Variants in NRG1 observed in about 807,000 individuals in gnomAD.
The protein encoded by NRG1 is pro-neuregulin-1, membrane-bound isoform.
Under a neutral mutation model 63.8 loss-of-function variants are expected in NRG1, and 18 were observed. The observed-to-expected ratio is 0.28, with a 90% confidence interval of 0.19 to 0.42. NRG1 has a LOEUF of 0.42. Among genes scored for constraint, NRG1 ranks in the 10% least tolerant of loss-of-function variants. NRG1 has a pLI of 1.00. For missense variants in NRG1, 762 were observed against 814.7 expected, an observed-to-expected ratio of 0.94 and a Z score of 0.79; for synonymous variants, 302 against 301.3, an observed-to-expected ratio of 1.00 and a Z score of -0.02.
At chr8:32,280,680 GTTTTTTTTTTGTT>G (rs1318632444) in intron 1 of NRG1, among the ~76,000 whole-genome samples, 5 of 53,756 alleles carry the variant, frequency 9.3e-5, no homozygotes, top group Admixed American at 2.5e-4. Flanking sequence ...ACTGAATTAG[GTTTTTTTTTTGTT>G]TTTTTTTTTT....
chr8:31,879,455 G>A (rs892249555), intron 1 of NRG1, among the ~76,000 whole-genome samples: 9 of 152,166 alleles, frequency 5.9e-5, no homozygotes, highest in African/African-American at 2.2e-4. Flanking sequence ...CACATTTTCT[G>A]CCACTCAAGA....
At chr8:31,734,469 T>C (rs1255713475) in intron 1 of NRG1, among the ~76,000 whole-genome samples, 1 of 152,222 alleles carries the variant, frequency 6.6e-6, no homozygotes, top group East Asian at 1.9e-4. Flanking sequence ...GGCCCACATA[T>C]AGAAAATAAT....
chr8:31,746,114 A>T (rs1007845126), intron 1 of NRG1, among the ~76,000 whole-genome samples: 1 of 151,822 alleles, frequency 6.6e-6, no homozygotes, highest in Non-Finnish European at 1.5e-5. Context: ...TAGTTGGCAC[A>T]ATAGTTAAAT....
chr8:32,236,448 C>T (rs184792696), intron 1 of NRG1, among the ~76,000 whole-genome samples: 104 of 152,118 alleles, frequency 6.8e-4, no homozygotes, highest in Admixed American at 1.2e-3. Flanking sequence ...GGAATTTAAA[C>T]TTTATTGATG....
intron 7 of NRG1, among the ~76,000 whole-genome samples, chr8:32,752,501 T>A (rs1191342448): frequency 1.5e-4 from 23 of 152,206 alleles, no homozygotes; most frequent in Non-Finnish European, 1.5e-5. Flanking sequence ...TAATTGTGGC[T>A]TCCACATGAC....
At chr8:32,513,666 T>G (rs1373989123) in intron 1 of NRG1, among the ~76,000 whole-genome samples, 1 of 152,168 alleles carries the variant, frequency 6.6e-6, no homozygotes, top group Non-Finnish European at 1.5e-5. Flanking sequence ...GATACAAAAG[T>G]ATCCGTATCA....
intron 1 of NRG1, among the ~76,000 whole-genome samples, chr8:32,458,356 T>C (rs1185858720): frequency 6.6e-6 from 1 of 152,230 alleles, no homozygotes; most frequent in African/African-American, 2.4e-5. Context: ...TATTTTAATA[T>C]GCTGAGCCAT....
intron 5 of NRG1, among the ~76,000 whole-genome samples, chr8:32,721,512 T>G (rs1820629824): frequency 6.6e-6 from 1 of 151,974 alleles, no homozygotes; most frequent in Admixed American, 6.7e-5. Context: ...AGAATTCTCC[T>G]GGCTTCCCTT....
chr8:32,518,793 A>G (rs973415363), intron 1 of NRG1, among the ~76,000 whole-genome samples: 3 of 152,218 alleles, frequency 2.0e-5, no homozygotes, highest in South Asian at 4.1e-4. Context: ...GAGAAATAAC[A>G]GTGGGGAAAA....
intron 1 of NRG1, among the ~76,000 whole-genome samples, chr8:32,179,436 A>G (rs747098866): frequency 1.1e-4 from 17 of 152,190 alleles, no homozygotes; most frequent in Non-Finnish European, 2.1e-4. Flanking sequence ...CTACTACTGA[A>G]GGATTTTCGT....
At chr8:31,869,019 T>A (rs1829245868) in intron 1 of NRG1, among the ~76,000 whole-genome samples, 1 of 152,230 alleles carries the variant, frequency 6.6e-6, no homozygotes, top group Non-Finnish European at 1.5e-5. Flanking sequence ...TAATGTTATG[T>A]GGTAATTGTG....
intron 1 of NRG1, among the ~76,000 whole-genome samples, chr8:31,722,411 A>T (rs144588229): frequency 1.3e-5 from 2 of 151,968 alleles, no homozygotes; most frequent in African/African-American, 2.4e-5. Context: ...CCTTCCTGTC[A>T]TCTTACTAGT....
chr8:31,873,508 G>T (rs1829666174), intron 1 of NRG1, among the ~76,000 whole-genome samples: 1 of 152,154 alleles, frequency 6.6e-6, no homozygotes, highest in African/African-American at 2.4e-5. Flanking sequence ...GCAGTGAGCT[G>T]AGATCAGACC....
chr8:32,162,057 T>C (rs1838889888), intron 1 of NRG1, among the ~76,000 whole-genome samples: 1 of 152,162 alleles, frequency 6.6e-6, no homozygotes, highest in African/African-American at 2.4e-5. Flanking sequence ...AAAATAAAAA[T>C]AATCCTGTTC....
chr8:32,107,653 A>C (rs2131413452), intron 1 of NRG1, among the ~76,000 whole-genome samples: 1 of 152,304 alleles, frequency 6.6e-6, no homozygotes. Context: ...TGCTATGTTA[A>C]AAAATTCACA....
intron 1 of NRG1, among the ~76,000 whole-genome samples, chr8:32,219,610 T>C (rs925773824): frequency 4.6e-5 from 7 of 152,208 alleles, no homozygotes; most frequent in Non-Finnish European, 1.0e-4. Flanking sequence ...CACCTTAAGA[T>C]GCTGAAACAC....
intron 1 of NRG1, among the ~76,000 whole-genome samples, chr8:31,834,365 A>G (rs1329746901): frequency 6.6e-6 from 1 of 152,078 alleles, no homozygotes; most frequent in Non-Finnish European, 1.5e-5. Flanking sequence ...AAAAGATTAG[A>G]CGAAAGCATA....
At chr8:32,301,769 A>G (rs755128578) in intron 1 of NRG1, among the ~76,000 whole-genome samples, 20 of 152,184 alleles carry the variant, frequency 1.3e-4, no homozygotes, top group Non-Finnish European at 2.4e-4. Flanking sequence ...AGTGCAGGAA[A>G]GACCGGCCTG....
At chr8:32,332,418 T>C (rs1425081061) in intron 1 of NRG1, among the ~76,000 whole-genome samples, 1 of 152,108 alleles carries the variant, frequency 6.6e-6, no homozygotes, top group East Asian at 1.9e-4. Flanking sequence ...CCTGACCCCC[T>C]TCTTGACAGC....
Sources: allele counts gnomAD v4.1 joint callset (sites outside exome capture counted in the v4.1 genomes callset), GRCh38; gene constraint gnomAD v4.1.1; transcripts MANE v1.5; gene names NCBI Gene and HGNC (gene_info 2026-07-23, HGNC 2026-07-21).